Variants in GNAI1 observed in about 807,000 individuals in gnomAD.
GNAI1 encodes the protein guanine nucleotide-binding protein G(i) subunit alpha-1.
A neutral mutation model predicts 38.9 loss-of-function variants in GNAI1; 11 were observed. The ratio of observed to expected loss-of-function variants is 0.28; its 90% CI spans 0.18 to 0.47. The LOEUF (loss-of-function observed/expected upper bound fraction) is 0.47, where lower values mean the gene tolerates loss of function less well. Among genes scored for constraint, GNAI1 ranks in the 20% least tolerant of loss-of-function variants. GNAI1 has a pLI of 0.99. For synonymous variants in GNAI1, 166 were observed against 145.1 expected (o/e 1.14, Z -1.04); for missense variants, 317 against 436.9 (o/e 0.73, Z 2.45).
intron 1 of GNAI1, among the ~76,000 whole-genome samples, chr7:80,162,456 T>G (rs1471269355): frequency 6.6e-6 from 1 of 152,182 alleles, no homozygotes; most frequent in African/African-American, 2.4e-5. Flanking sequence ...GAAATGTGCT[T>G]CTCAAACTGA....
intron 7 of GNAI1, among the ~76,000 whole-genome samples, chr7:80,214,849 T>C (rs1028285759): frequency 2.0e-5 from 3 of 152,174 alleles, no homozygotes; most frequent in Non-Finnish European, 4.4e-5. Flanking sequence ...TTAGCTCTCT[T>C]ATCCTTTCAT....
chr7:80,152,294 A>G (rs1787741954), intron 1 of GNAI1, among the ~76,000 whole-genome samples: 1 of 152,118 alleles, frequency 6.6e-6, no homozygotes, highest in Non-Finnish European at 1.5e-5. Flanking sequence ...TCCCTCTATT[A>G]GGGAGAAAGG....
intron 1 of GNAI1, among the ~76,000 whole-genome samples, chr7:80,153,226 C>CA: frequency 6.6e-6 from 1 of 152,192 alleles, no homozygotes; most frequent in Non-Finnish European, 1.5e-5. Context: ...CATAGATAGT[C>CA]TTCAAGAAGG....
rs1165976615 is a variant in GNAI1, at chr7:80,199,560, C to T, written c.461+178C>T. 2.6e-5 allele frequency among the ~76,000 whole-genome samples: 4 copies of T among 151,536 alleles called. No homozygotes were observed. In the South Asian group the frequency reaches 8.3e-4, roughly 32 times the overall value. On this transcript the variant is annotated intron_variant, in intron 4 of 7. Transcript: ENST00000649796. ...TGTGTTGTGTGTGTGTAGATAGCAA[C>T]GTTATTTCCTATATGTTCAATAGTG...
intron 7 of GNAI1, among the ~76,000 whole-genome samples, chr7:80,213,810 G>A (rs1263735427): frequency 6.6e-6 from 1 of 151,344 alleles, no homozygotes; most frequent in Non-Finnish European, 1.5e-5. Context: ...AGTTTGAAGA[G>A]TTTAGTTATT....
intron 1 of GNAI1, among the ~76,000 whole-genome samples, chr7:80,166,538 G>A (rs1788012812): frequency 6.6e-6 from 1 of 152,124 alleles, no homozygotes; most frequent in Admixed American, 6.5e-5. Flanking sequence ...TGGAGGAACT[G>A]GAGAGCCTCT....
At chr7:80,173,463 C>T (rs1211962707) in intron 1 of GNAI1, among the ~76,000 whole-genome samples, 1 of 152,070 alleles carries the variant, frequency 6.6e-6, no homozygotes, top group Non-Finnish European at 1.5e-5. Context: ...GAGAATGTCC[C>T]AAAACTGCAA....
rs1433746742 is a variant in GNAI1, at chr7:80,223,875, T to C, written c.*6382T>C. Among the ~76,000 whole-genome samples, 1 of 152,220 alleles carries C rather than the reference T, an allele frequency of 6.6e-6. No individual in the cohort carries two copies. Among genetic ancestry groups the C allele is most frequent in the African/African-American group, 2.4e-5 (1 of 41,454 alleles). ...AACATAGTAAGTTACAAATTTTAAC[T>C]ATGAATCTTCTTCTTCGAAAGGAAT... On this transcript the variant is annotated 3_prime_UTR_variant, in exon 8 of 8. Transcript: ENST00000649796.
intron 1 of GNAI1, among the ~76,000 whole-genome samples, chr7:80,149,341 C>G (rs1202879981): frequency 1.3e-5 from 2 of 152,060 alleles, no homozygotes; most frequent in Non-Finnish European, 2.9e-5. Context: ...GTATCATTGC[C>G]TGTATTCCTA....
rs186464451 is a variant in GNAI1 at position 80,202,313 on chromosome 7, T to G, written c.462-1391T>G. On this transcript the variant is annotated intron_variant, in intron 4 of 7. Transcript: ENST00000649796. ...CCATGTTGGCCAGGATGGTCTTGAT[T>G]GCCTGACCTCGTGATCCGCCCACCT... 6.2e-4 allele frequency among the ~76,000 whole-genome samples: 94 copies of G among 152,162 alleles called. No individual in the cohort carries two copies. The East Asian group carries it at 0.015, about 25-fold the overall frequency.
chr7:80,138,178 T>C (rs956088778), intron 1 of GNAI1, among the ~76,000 whole-genome samples: 19 of 152,238 alleles, frequency 1.2e-4, no homozygotes, highest in Non-Finnish European at 2.5e-4. Flanking sequence ...AAAGTACTTT[T>C]AAGACAGTCT....
At chr7:80,214,688 C>T (rs1465164516) in intron 7 of GNAI1, among the ~76,000 whole-genome samples, 4 of 152,208 alleles carry the variant, frequency 2.6e-5, no homozygotes, top group Non-Finnish European at 5.9e-5. Flanking sequence ...CCGCAACTCT[C>T]AATTTCCTGT....
intron 1 of GNAI1, among the ~76,000 whole-genome samples, chr7:80,172,480 T>C (rs1047200152): frequency 1.3e-5 from 2 of 152,236 alleles, no homozygotes; most frequent in Admixed American, 6.5e-5. Flanking sequence ...CCAGCATACC[T>C]TGAGTATTTA....
At chr7:80,179,434 C>T (rs1788252850) in intron 1 of GNAI1, among the ~76,000 whole-genome samples, 1 of 152,092 alleles carries the variant, frequency 6.6e-6, no homozygotes, top group Non-Finnish European at 1.5e-5. Flanking sequence ...CACTGTTCTA[C>T]GTATTTCTTT....
Position 80,225,852 on chromosome 7 carries a change from G to T in GNAI1, c.*8359G>T, listed in dbSNP as rs1334725652. ...CTGAGAAAAATTAGATTTATGTGCAGATTTTAGCTACCCTTGTCCTTGGAA... is the reference window on the plus strand; with the variant it reads ...CTGAGAAAAATTAGATTTATGTGCATATTTTAGCTACCCTTGTCCTTGGAA... On this transcript the variant is annotated 3_prime_UTR_variant, in exon 8 of 8. Coordinates refer to ENST00000649796, the MANE Select transcript of GNAI1 (RefSeq NM_002069.6). 6.6e-6 allele frequency among the ~76,000 whole-genome samples: 1 copy of T among 152,122 alleles called. No individual in the cohort carries two copies. Among genetic ancestry groups the T allele is most frequent in the Non-Finnish European group, 1.5e-5 (1 of 68,030 alleles).
intron 3 of GNAI1, among the ~76,000 whole-genome samples, chr7:80,193,153 A>G (rs1188026214): frequency 6.6e-6 from 1 of 152,152 alleles, no homozygotes; most frequent in Non-Finnish European, 1.5e-5. Flanking sequence ...TCTTTTGCCG[A>G]ATATCAAGGC....
rs1288177319 is a variant in GNAI1 at position 80,225,265 on chromosome 7, A to G, written c.*7772A>G. On this transcript the variant is annotated 3_prime_UTR_variant, in exon 8 of 8. Transcript: ENST00000649796. ...GTCAGCTATAATAAAAGAGAGACAT[A>G]CACATTTTAAGATCTATACTCTAAA... 1.3e-5 allele frequency among the ~76,000 whole-genome samples: 2 copies of G among 152,228 alleles called. No individual in the cohort carries two copies. Among genetic ancestry groups the G allele is most frequent in the African/African-American group, 2.4e-5 (1 of 41,464 alleles).
At chr7:80,141,646 A>G (rs1015174476) in intron 1 of GNAI1, among the ~76,000 whole-genome samples, 5 of 152,104 alleles carry the variant, frequency 3.3e-5, no homozygotes, top group African/African-American at 1.2e-4. Context: ...TACTTTTATC[A>G]GCCTGTTTCT....
At chr7:80,155,389 T>C (rs1366324905) in intron 1 of GNAI1, among the ~76,000 whole-genome samples, 2 of 152,224 alleles carry the variant, frequency 1.3e-5, no homozygotes, top group African/African-American at 4.8e-5. Flanking sequence ...ATAGTACATA[T>C]ATAATGCCTA....
Sources: allele counts gnomAD v4.1 joint callset (sites outside exome capture counted in the v4.1 genomes callset), GRCh38; gene constraint gnomAD v4.1.1; transcripts MANE v1.5; gene names NCBI Gene and HGNC (gene_info 2026-07-23, HGNC 2026-07-21).